Variants in LIPE observed in about 807,000 individuals in gnomAD.
The protein encoded by LIPE is lipase E, hormone sensitive type.
A neutral mutation model predicts 88.5 loss-of-function variants in LIPE; 66 were observed. The ratio of observed to expected loss-of-function variants is 0.75; its 90% CI spans 0.61 to 0.91. The LOEUF is 0.91. LIPE is among the 40% of genes least tolerant of loss of function. LIPE has a pLI of 0.00. For missense variants in LIPE, 1,346 were observed against 1,434.7 expected (o/e 0.94, Z 1.00); for synonymous variants, 570 against 617.5 (o/e 0.92, Z 1.14).
rs1362337214 is a variant in LIPE, at chr19:42,407,120, C to CA, written c.2137+53dup. On this transcript the variant is annotated intron_variant, in intron 6 of 9. Coordinates refer to ENST00000244289, the MANE Select transcript of LIPE (RefSeq NM_005357.4). The surrounding 1 kb of genome is among the most constrained non-coding windows in gnomAD (Gnocchi z 5.8). ...AGGCTGAGGCTGGAGGAGCTTAAAGCAAGCTGGGTGGGATGGGAGCAGGCG... is the reference window on the plus strand; with the variant it reads ...AGGCTGAGGCTGGAGGAGCTTAAAGCAAAGCTGGGTGGGATGGGAGCAGGCG... 1 of 1,433,926 alleles carries CA rather than the reference C, an allele frequency of 7.0e-7. No individual in the cohort carries two copies. Among genetic ancestry groups the CA allele is most frequent in the African/African-American group, 1.4e-5 (1 of 69,680 alleles). The allele number at this position is 1,433,926 out of a possible 1,614,324, so 88.8% of individuals were successfully genotyped here.
Position 42,406,147 on chromosome 19 carries a change from G to A in LIPE, c.2365+14C>T, listed in dbSNP as rs112775429. ...CATGCAGTCCTGTTTCCCTGCTGAG[G>A]GTGTGGGCCTCACCAGCATAGGCGC... On this transcript the variant is annotated intron_variant, in intron 7 of 9. Coordinates refer to ENST00000244289, the MANE Select transcript of LIPE (RefSeq NM_005357.4). The surrounding 1 kb of genome is among the most constrained non-coding windows in gnomAD (Gnocchi z 5.7). 676 of 1,589,728 alleles carry A rather than the reference G, an allele frequency of 4.3e-4. 5 individuals carry two copies. The African/African-American group carries it at 7.9e-3, about 18-fold the overall frequency.
intron 1 of LIPE, chr19:42,424,061 C>T: frequency 8.4e-7 from 1 of 1,185,272 alleles, no homozygotes; most frequent in South Asian, 1.6e-5. Context: ...GGCGCCAGCG[C>T]TGGAGGCGTG....
rs745859081 is a variant in LIPE at position 42,401,855 on chromosome 19, G to A, written c.3188C>T (p.Thr1063Met). Reference protein sequence around the residue: ...PPAGAGPSGETGAAGVDGGCG... With the variant: ...PPAGAGPSGEMGAAGVDGGCG... ...GCCCCCGTCTACCCCCGCAGCCCCC[G>A]TCTCCCCGCTCGGCCCGGCTCCGGC... The change falls in exon 10 of 10, where the codon ACG (threonine) becomes ATG (methionine). Residue 1063 changes from threonine to methionine, a missense_variant. Thr to Met is a moderately conservative substitution (Grantham distance 81, BLOSUM62 -1). Transcript: ENST00000244289. 1.0e-4 allele frequency: 44 copies of A among 439,938 alleles called. No homozygotes were observed. The highest frequency in any genetic ancestry group is 8.0e-4 in the South Asian group (37 of 46,018). 27.3% of individuals were successfully genotyped at this position (439,938 alleles called of 1,614,324 possible).
chr19:42,424,770 T>C (rs1327110428), intron 1 of LIPE: 1 of 366,636 alleles, frequency 2.7e-6, no homozygotes, highest in East Asian at 7.3e-5. Flanking sequence ...TCCAGTTCCA[T>C]AGATAAAACT....
rs757895823 is a variant in LIPE, at chr19:42,410,434, C to A, written c.1292G>T (p.Arg431Leu). 5.6e-6 allele frequency: 9 copies of A among 1,614,064 alleles called. No individual in the cohort carries two copies. In the East Asian group the frequency reaches 2.0e-4, roughly 36 times the overall value. The change falls in exon 2 of 10, where the codon CGC (arginine) becomes CTC (leucine). Residue 431 changes from arginine (R) to leucine (L), a missense_variant. Transcript: ENST00000244289. The surrounding 1 kb of genome is among the most constrained non-coding windows in gnomAD (Gnocchi z 6.1). ...CCCCGGCCGATTGGTAACCAGCAGGCGCTGGGCGTAGTAGACCAGAGCGCG... is the reference window on the plus strand; with the variant it reads ...CCCCGGCCGATTGGTAACCAGCAGGAGCTGGGCGTAGTAGACCAGAGCGCG... Reference protein sequence around the residue: ...QLRALVYYAQRLLVTNRPGVL... With the variant: ...QLRALVYYAQLLLVTNRPGVL...
intron 8 of LIPE, among the ~76,000 whole-genome samples, chr19:42,403,241 A>ATGTGTGTGTGTGTG (rs56983822): frequency 3.3e-5 from 3 of 91,896 alleles, no homozygotes; most frequent in Admixed American, 1.1e-4. Context: ...CTAGTGAAGG[A>ATGTGTGTGTGTGTG]TGTGTGTGTG....
At chr19:42,423,629 C>T in intron 1 of LIPE, 1 of 1,179,272 alleles carries the variant, frequency 8.5e-7, no homozygotes, top group South Asian at 1.6e-5. Flanking sequence ...TCGGGCCCCC[C>T]TATTACCCAA....
rs181772536 is a variant in LIPE, at chr19:42,407,677, G to A, written c.1771C>T (p.Pro591Ser). 2 of 1,606,638 alleles carry A rather than the reference G, an allele frequency of 1.2e-6. No individual in the cohort carries two copies. The highest frequency in any genetic ancestry group is 2.2e-5 in the East Asian group (1 of 44,816). ...CCAGGGCCTGTGTGGGCCAGTGGGG[G>A]TGAGATGGTGACCGTGAGCGTGGGG... is the stretch of plus-strand genomic sequence containing the variant. Reference protein sequence around the residue: ...ADPTLTVTISPPLAHTGPGPV... With the variant: ...ADPTLTVTISSPLAHTGPGPV... Residue 591 changes from proline (P) to serine (S), a missense_variant, in exon 5 of 10, where the codon CCC (proline) becomes TCC (serine). Physicochemically the swap from Pro to Ser is moderately conservative, Grantham distance 74. Coordinates refer to ENST00000244289, the MANE Select transcript of LIPE (RefSeq NM_005357.4). The surrounding 1 kb of genome is among the most constrained non-coding windows in gnomAD (Gnocchi z 5.8).
intron 2 of LIPE, among the ~76,000 whole-genome samples, chr19:42,409,397 A>G (rs2040298457): frequency 6.8e-6 from 1 of 146,602 alleles, no homozygotes; most frequent in African/African-American, 2.5e-5. Context: ...ACTAAACAAA[A>G]TACAAAAAAA....
rs767861060 is a variant in LIPE at position 42,406,297 on chromosome 19, C to T, written c.2229G>A (p.Val743=). ...TVALRAAAYG[V]RVPDGIMAAY... ...CTGCCATGATGCCATCTGGCACCCG[C>T]ACCCCGTAGGCTGCTGCCCGAAGAG... The change falls in exon 7 of 10, where the codon GTG becomes GTA. Residue 743 remains valine (V), a synonymous_variant. Coordinates refer to ENST00000244289, the MANE Select transcript of LIPE (RefSeq NM_005357.4). The surrounding 1 kb of genome is among the most constrained non-coding windows in gnomAD (Gnocchi z 5.7). 2.5e-6 allele frequency: 4 copies of T among 1,614,102 alleles called. No homozygotes were observed. Among genetic ancestry groups the T allele is most frequent in the Non-Finnish European group, 3.4e-6 (4 of 1,179,996 alleles).
At chr19:42,415,804 C>G (rs138726583) in intron 1 of LIPE, among the ~76,000 whole-genome samples, 6,194 of 148,796 alleles carry the variant, frequency 0.042, 397 homozygotes, top group African/African-American at 0.14. Context: ...AGTGAGACTC[C>G]GTCTGGAAAA....
rs138009253 is a variant in LIPE, at chr19:42,405,502, C to T, written c.2425G>A (p.Val809Met). Residue 809 changes from valine to methionine, a missense_variant, in exon 8 of 10, where the codon GTG becomes ATG. Transcript: ENST00000244289. The stretch of plus-strand genomic sequence containing the variant: ...AGGAGCAGGGCTGTGTCCCGCCGCA[C>T]CAGCCCCATCATGCCGAGGGCTTTC... ...DQKALGMMGLVRRDTALLLRD... is the reference protein window; with the variant it reads ...DQKALGMMGLMRRDTALLLRD... The T allele has an allele frequency of 6.2e-7, 1 of 1,614,192 alleles. No homozygotes were observed. The highest frequency in any genetic ancestry group is 8.5e-7 in the Non-Finnish European group (1 of 1,180,012).
Position 42,427,164 on chromosome 19 carries a change from C to A in LIPE, c.-15G>T. ...CCTGGCTCCATTGTTATTTCCCTCA[C>A]GGGAGATATTGATCTTCCAGGTTCT... On this transcript the variant is annotated 5_prime_UTR_variant, in exon 1 of 10. Transcript: ENST00000244289. 6.4e-7 allele frequency: 1 copy of A among 1,572,878 alleles called. No individual in the cohort carries two copies. The highest frequency in any genetic ancestry group is 1.2e-5 in the South Asian group (1 of 84,804).
At position 42,407,489 on chromosome 19, in the gene LIPE, G is replaced by A. The variant is rs778259485; in HGVS notation, c.1843-21C>T. ...CTGTCCTGGGGGTGAGGAGGGAGACGGTGTGTGAGGTTGGGGAGAGCTGGC... is the reference window on the plus strand; with the variant it reads ...CTGTCCTGGGGGTGAGGAGGGAGACAGTGTGTGAGGTTGGGGAGAGCTGGC... On this transcript the variant is annotated intron_variant, in intron 5 of 9. Coordinates refer to ENST00000244289, the MANE Select transcript of LIPE (RefSeq NM_005357.4). This position sits in a 1 kb window ranked among gnomAD's most constrained non-coding sequence, Gnocchi z 5.8. The A allele has an allele frequency of 5.4e-5, 87 of 1,599,602 alleles. 1 individual carries two copies. In the East Asian group the frequency reaches 1.5e-3, roughly 28 times the overall value.
chr19:42,410,944 C>T lies in LIPE; in HGVS notation c.884-102G>A. ...TAGCTTACCCACTCCTCCTTCAAAC[C>T]TCAGTGCTGTCTTCTTTCAGTTCCA... On this transcript the variant is annotated intron_variant, in intron 1 of 9. Coordinates refer to ENST00000244289, the MANE Select transcript of LIPE (RefSeq NM_005357.4). The surrounding 1 kb of genome is among the most constrained non-coding windows in gnomAD (Gnocchi z 6.1). 2 of 1,151,532 alleles carry T rather than the reference C, an allele frequency of 1.7e-6. No individual in the cohort carries two copies. Among genetic ancestry groups the T allele is most frequent in the South Asian group, 1.6e-5 (1 of 62,534 alleles). 71.3% of individuals were successfully genotyped at this position (1,151,532 alleles called of 1,614,324 possible).
At position 42,405,441 on chromosome 19, in the gene LIPE, T is replaced by C; in HGVS notation, c.2486A>G (p.Asn829Ser). 3.1e-6 allele frequency: 5 copies of C among 1,613,666 alleles called. No individual in the cohort carries two copies. The highest frequency in any genetic ancestry group is 4.2e-6 in the Non-Finnish European group (5 of 1,179,926). ...GCGCCCACTTAACTCCAGGAAGGAGTTGAGCCATGAGGAGGCACCCAGGCG... is the reference window on the plus strand; with the variant it reads ...GCGCCCACTTAACTCCAGGAAGGAGCTGAGCCATGAGGAGGCACCCAGGCG... ...DFRLGASSWL[N>S]SFLELSGRKS... Residue 829 changes from asparagine (N) to serine (S), a missense_variant, in exon 8 of 10, where the codon AAC (asparagine) becomes AGC (serine). Transcript: ENST00000244289.
chr19:42,402,813 C>G lies in LIPE; in HGVS notation c.2761G>C (p.Glu921Gln), dbSNP rs756956011. 1 of 1,613,348 alleles carries G rather than the reference C, an allele frequency of 6.2e-7. No individual in the cohort carries two copies. The highest frequency in any genetic ancestry group is 1.1e-5 in the South Asian group (1 of 91,064). Residue 921 changes from glutamate (E) to glutamine (Q), a missense_variant, in exon 9 of 10, where the codon GAG becomes CAG. Physicochemically the swap from Glu to Gln is conservative, Grantham distance 29 (BLOSUM62 2). Transcript: ENST00000244289. ...CTCAGCTCATTTTTGGCCTCAGCCT[C>G]TTCCCCTGCATCCTCAGGTGGTAAT... Reference protein sequence around the residue: ...FLLPPEDAGEEAEAKNELSPM... With the variant: ...FLLPPEDAGEQAEAKNELSPM...
chr19:42,404,226 C>A lies in LIPE; in HGVS notation c.2542+1159G>T, dbSNP rs1426693993. Among the ~76,000 whole-genome samples the A allele has an allele frequency of 2.0e-5, 3 of 149,852 alleles. No homozygotes were observed. The East Asian group carries it at 5.9e-4, about 29-fold the overall frequency. ...ATTACAGGCATGCCACCATGTCCAGCTACTTTTTGTATTTTTTTTTTTTTT... is the reference window on the plus strand; with the variant it reads ...ATTACAGGCATGCCACCATGTCCAGATACTTTTTGTATTTTTTTTTTTTTT... On this transcript the variant is annotated intron_variant, in intron 8 of 9. Transcript: ENST00000244289.
intron 8 of LIPE, among the ~76,000 whole-genome samples, chr19:42,403,949 G>A (rs1393954214): frequency 6.6e-6 from 1 of 152,098 alleles, no homozygotes; most frequent in Non-Finnish European, 1.5e-5. Flanking sequence ...CCCAAACGAT[G>A]CTAAAGATAC....
Sources: allele counts gnomAD v4.1 joint callset (sites outside exome capture counted in the v4.1 genomes callset), GRCh38; gene constraint gnomAD v4.1.1; non-coding constraint Gnocchi (gnomAD v3.1); transcripts MANE v1.5; gene names NCBI Gene and HGNC (gene_info 2026-07-23, HGNC 2026-07-21).